Variants in WIPF1 observed in about 807,000 individuals in gnomAD.
The protein encoded by WIPF1 is WAS/WASL interacting protein family member 1, also known as WAS/WASL-interacting protein family member 1.
In WIPF1, 13 loss-of-function variants were observed where a neutral mutation model predicts 35.4. The observed-to-expected ratio is 0.37, with a 90% CI of 0.24 to 0.58. The LOEUF (loss-of-function observed/expected upper bound fraction) is 0.58, where lower values mean the gene tolerates loss of function less well. Among genes scored for constraint, WIPF1 ranks in the 20% least tolerant of loss-of-function variants. The pLI is 0.74. For synonymous variants in WIPF1, 267 were observed against 266.3 expected (o/e 1.00, Z -0.02); for missense variants, 591 against 667.0 (o/e 0.89, Z 1.25).
At chr2:174,585,719 A>G (rs1312130558) in intron 1 of WIPF1, 108 bp from the exon 2 acceptor site, 2 of 769,578 alleles carry the variant, frequency 2.6e-6, no homozygotes, top group Non-Finnish European at 4.3e-6. Flanking sequence ...CTCAACTCTT[A>G]GAAGAGATGG....
At chr2:174,572,586 G>A in intron 4 of WIPF1, 140 bp from the exon 5 acceptor site, 1 of 1,202,414 alleles carries the variant, frequency 8.3e-7, no homozygotes, top group Non-Finnish European at 1.1e-6. Flanking sequence ...ATATAAATTG[G>A]GTTTTGTTGG....
chr2:174,575,627 C>T (rs2105816704), intron 3 of WIPF1, among the ~76,000 whole-genome samples: 1 of 152,370 alleles, frequency 6.6e-6, no homozygotes, highest in Non-Finnish European at 1.5e-5. Flanking sequence ...CCCCACTTGA[C>T]TGGCTGCCAC....
At chr2:174,675,540 A>G (rs888073411) in intron 1 of WIPF1, among the ~76,000 whole-genome samples, 6 of 151,876 alleles carry the variant, frequency 4.0e-5, no homozygotes, top group Admixed American at 2.0e-4. Context: ...TTTTTTGTAG[A>G]GACAGAGTCT....
intron 7 of WIPF1, 132 bp from the exon 8 acceptor site, chr2:174,562,734 G>A: frequency 8.4e-7 from 1 of 1,189,368 alleles, no homozygotes; most frequent in Non-Finnish European, 1.2e-6. Flanking sequence ...ACTGGCGTAT[G>A]TTGTGGATGA....
At chr2:174,596,596 T>C (rs1202132570) in intron 1 of WIPF1, among the ~76,000 whole-genome samples, 1 of 152,194 alleles carries the variant, frequency 6.6e-6, no homozygotes, top group Non-Finnish European at 1.5e-5. Flanking sequence ...ATACTAGTTA[T>C]GCCATTAAAT....
At chr2:174,569,306 A>T (rs890631916) in intron 5 of WIPF1, among the ~76,000 whole-genome samples, 1 of 152,184 alleles carries the variant, frequency 6.6e-6, no homozygotes, top group Non-Finnish European at 1.5e-5. Flanking sequence ...TGGTCTCTCA[A>T]GGAGTCTTCA....
intron 1 of WIPF1, among the ~76,000 whole-genome samples, chr2:174,671,349 G>A (rs975666272): frequency 6.6e-5 from 10 of 152,086 alleles, no homozygotes; most frequent in Middle Eastern, 6.8e-3. Context: ...TCTTAATCCC[G>A]TCATTTTCGT....
intron 1 of WIPF1, among the ~76,000 whole-genome samples, chr2:174,636,479 T>G (rs1559168644): frequency 2.0e-5 from 3 of 152,208 alleles, no homozygotes; most frequent in Non-Finnish European, 4.4e-5. Flanking sequence ...ATTAACTTCT[T>G]AAATTTAGTA....
intron 1 of WIPF1, among the ~76,000 whole-genome samples, chr2:174,663,442 A>G (rs1258102089): frequency 6.6e-6 from 1 of 152,208 alleles, no homozygotes; most frequent in Non-Finnish European, 1.5e-5. Context: ...ATGTGGGAAC[A>G]TTATGGTCCC....
intron 1 of WIPF1, among the ~76,000 whole-genome samples, chr2:174,682,183 A>G (rs1337045308): frequency 2.0e-5 from 3 of 152,186 alleles, no homozygotes; most frequent in Non-Finnish European, 2.9e-5. Context: ...AGATGTCTCT[A>G]AGGTCGACGC....
chr2:174,681,071 G>A (rs1367287566), intron 1 of WIPF1, among the ~76,000 whole-genome samples: 1 of 152,248 alleles, frequency 6.6e-6, no homozygotes, highest in Admixed American at 6.5e-5. Context: ...AAATATCCCA[G>A]AATTTGATCT....
chr2:174,563,169 C>T (rs1220085566), intron 7 of WIPF1, among the ~76,000 whole-genome samples: 2 of 152,178 alleles, frequency 1.3e-5, no homozygotes, highest in African/African-American at 4.8e-5. Flanking sequence ...CTGACAGTAG[C>T]CATTCTAATG....
At chr2:174,643,586 A>T (rs1490831670) in intron 1 of WIPF1, among the ~76,000 whole-genome samples, 1 of 148,686 alleles carries the variant, frequency 6.7e-6, no homozygotes, top group East Asian at 1.9e-4. Flanking sequence ...TAATTTTTGT[A>T]TTTTTAGTAG....
At chr2:174,607,102 C>T (rs1686189648) in intron 1 of WIPF1, among the ~76,000 whole-genome samples, 1 of 152,124 alleles carries the variant, frequency 6.6e-6, no homozygotes, top group South Asian at 2.1e-4. Context: ...GACATTAATT[C>T]ATTTATAAGG....
chr2:174,562,945 A>G (rs1310693505), intron 7 of WIPF1, among the ~76,000 whole-genome samples: 1 of 152,222 alleles, frequency 6.6e-6, no homozygotes, highest in East Asian at 1.9e-4. Flanking sequence ...GAGATAACCA[A>G]TTATGTGTAT....
intron 1 of WIPF1, chr2:174,626,020 T>C (rs2105923209): frequency 6.6e-6 from 1 of 152,346 alleles, no homozygotes; most frequent in South Asian, 2.1e-4. Flanking sequence ...AATATCTGTT[T>C]CAATGACAAA....
chr2:174,606,146 A>T (rs1686155850), intron 1 of WIPF1, among the ~76,000 whole-genome samples: 1 of 152,206 alleles, frequency 6.6e-6, no homozygotes, highest in Non-Finnish European at 1.5e-5. Context: ...CAACCAACAA[A>T]AGAACAGACC....
intron 1 of WIPF1, among the ~76,000 whole-genome samples, chr2:174,654,275 T>C (rs143595439): frequency 1.5e-4 from 23 of 152,356 alleles, no homozygotes; most frequent in African/African-American, 4.6e-4. Context: ...CACTTGGGAA[T>C]AGACAACAAA....
chr2:174,581,206 T>C, intron 3 of WIPF1, 104 bp downstream of exon 3: 1 of 1,492,632 alleles, frequency 6.7e-7, no homozygotes, highest in Non-Finnish European at 9.0e-7. Context: ...GCAGCTGTTG[T>C]TAACCAAAAA....
Sources: allele counts gnomAD v4.1 joint callset (sites outside exome capture counted in the v4.1 genomes callset), GRCh38; gene constraint gnomAD v4.1.1; transcripts MANE v1.5; gene names NCBI Gene and HGNC (gene_info 2026-07-23, HGNC 2026-07-21).